COA6: variants seen among roughly 807,000 people sequenced by gnomAD.
The protein encoded by COA6 is cytochrome c oxidase assembly factor 6.
COA6 carries 12 observed loss-of-function variants against 17.1 expected under a neutral mutation model. The ratio of observed to expected loss-of-function variants is 0.70; its 90% CI spans 0.45 to 1.14. COA6 has a LOEUF of 1.14. Ranked by LOEUF, COA6 falls within the 50% of genes most tolerant of loss-of-function variation. The pLI is 0.00. For missense variants in COA6, 246 were observed against 196.5 expected, an observed-to-expected ratio of 1.25 and a Z score of -1.51; for synonymous variants, 90 against 73.4, an observed-to-expected ratio of 1.23 and a Z score of -1.16.
At chr1:234,381,731 G>A (rs1658977462) in intron 2 of COA6, among the ~76,000 whole-genome samples, 1 of 152,198 alleles carries the variant, frequency 6.6e-6, no homozygotes, top group African/African-American at 2.4e-5. Context: ...CTGTGGCAGT[G>A]AAGAAGGGAA....
intron 2 of COA6, 150 bp from the exon 3 acceptor site, chr1:234,383,573 G>GACACACACACACACACAC (rs60042887): frequency 2.3e-5 from 11 of 473,360 alleles, no homozygotes; most frequent in Middle Eastern, 6.0e-4. Flanking sequence ...AGTTACAGCT[G>GACACACACACACACACAC]ACACACACAC....
At chr1:234,373,804 A>C (rs751835183) in intron 1 of COA6, 126 bp downstream of exon 1, 2 of 1,613,500 alleles carry the variant, frequency 1.2e-6, no homozygotes, top group African/African-American at 2.7e-5. Flanking sequence ...CTGCTTGGTG[A>C]TTGTGGCCCC....
chr1:234,384,411 T>A lies in COA6; in HGVS notation c.*593T>A, dbSNP rs1185296577. Reference sequence around the variant, plus strand: ...AGCTCTACTCACATATAATAAATACTATCTTATAGAATGTACCAATGGATG... The same window carrying A: ...AGCTCTACTCACATATAATAAATACAATCTTATAGAATGTACCAATGGATG... On this transcript the variant is annotated 3_prime_UTR_variant, in exon 3 of 3. Coordinates refer to ENST00000366615, the MANE Select transcript of COA6 (RefSeq NM_001206641.3). 6.6e-6 allele frequency among the ~76,000 whole-genome samples: 1 copy of A among 152,138 alleles called. No individual in the cohort carries two copies. Among genetic ancestry groups the A allele is most frequent in the Non-Finnish European group, 1.5e-5 (1 of 68,032 alleles).
intron 2 of COA6, among the ~76,000 whole-genome samples, chr1:234,374,597 G>A (rs1434624358): frequency 6.6e-6 from 1 of 152,184 alleles, no homozygotes; most frequent in Non-Finnish European, 1.5e-5. Context: ...ACATTAAAGA[G>A]CATCGAAAAA....
At chr1:234,376,606 C>G (rs1020718641) in intron 2 of COA6, among the ~76,000 whole-genome samples, 2 of 152,214 alleles carry the variant, frequency 1.3e-5, no homozygotes, top group Non-Finnish European at 2.9e-5. Context: ...ATACTTCTTC[C>G]TATGCCTACC....
rs1412484602 is a variant in COA6, at chr1:234,384,931, C to A, written c.*1113C>A. On this transcript the variant is annotated 3_prime_UTR_variant, in exon 3 of 3. Transcript: ENST00000366615. ...GAATATCACAATAGAGTGGGTTACA[C>A]AAATGTTTTGGTTTTCCAGTACACA... 6.6e-6 allele frequency among the ~76,000 whole-genome samples: 1 copy of A among 152,192 alleles called. No individual in the cohort carries two copies. Among genetic ancestry groups the A allele is most frequent in the Non-Finnish European group, 1.5e-5 (1 of 68,032 alleles).
intron 2 of COA6, among the ~76,000 whole-genome samples, chr1:234,383,390 G>C (rs978062498): frequency 2.7e-5 from 4 of 146,738 alleles, no homozygotes; most frequent in East Asian, 2.1e-4. Context: ...GTTGTGGGGT[G>C]GGGGGAGGGG....
intron 2 of COA6, among the ~76,000 whole-genome samples, chr1:234,374,833 A>G (rs965661181): frequency 6.6e-6 from 1 of 152,154 alleles, no homozygotes; most frequent in African/African-American, 2.4e-5. Context: ...CAGAAGAAAG[A>G]AAAGGTTCAT....
intron 2 of COA6, 55 bp downstream of exon 2, chr1:234,374,444 C>T: frequency 6.4e-7 from 1 of 1,572,122 alleles, no homozygotes; most frequent in Admixed American, 1.7e-5. Context: ...CGAGCTTATA[C>T]TGTGAGTGGT....
chr1:234,382,867 C>T (rs1267910709), intron 2 of COA6, among the ~76,000 whole-genome samples: 4 of 151,982 alleles, frequency 2.6e-5, no homozygotes, highest in African/African-American at 9.7e-5. Context: ...AGTAGCCGGG[C>T]ATGGTAGCAG....
At chr1:234,383,002 C>G (rs1430618205) in intron 2 of COA6, among the ~76,000 whole-genome samples, 2 of 101,682 alleles carry the variant, frequency 2.0e-5, no homozygotes, top group Non-Finnish European at 3.5e-5. Context: ...GCGAGACTCT[C>G]TGTCAAGAAA....
intron 2 of COA6, among the ~76,000 whole-genome samples, chr1:234,378,985 C>G (rs1265368622): frequency 6.6e-6 from 1 of 150,664 alleles, no homozygotes; most frequent in Non-Finnish European, 1.5e-5. Context: ...AGACGGGAGG[C>G]CAGGGAGGTA....
intron 1 of COA6, 130 bp from the exon 2 acceptor site, chr1:234,374,100 T>G: frequency 3.7e-6 from 4 of 1,095,140 alleles, no homozygotes; most frequent in Middle Eastern, 3.1e-4. Context: ...AGCATGGTTT[T>G]GTTTTGTTTT....
chr1:234,375,326 C>G (rs553538906), intron 2 of COA6, among the ~76,000 whole-genome samples: 2 of 152,088 alleles, frequency 1.3e-5, no homozygotes, highest in Non-Finnish European at 2.9e-5. Flanking sequence ...CCAGAGGAGG[C>G]AGCTGAAGCT....
intron 2 of COA6, among the ~76,000 whole-genome samples, chr1:234,374,858 CTCCCTGA>C: frequency 6.6e-6 from 1 of 152,306 alleles, no homozygotes; most frequent in East Asian, 1.9e-4. Flanking sequence ...TGGATTCTGT[CTCCCTGA>C]CAGGCATTCA....
At chr1:234,373,814 C>T in intron 1 of COA6, 136 bp downstream of exon 1, 2 of 1,613,648 alleles carry the variant, frequency 1.2e-6, no homozygotes, top group Admixed American at 1.7e-5. Context: ...ATTGTGGCCC[C>T]CACACACCTG....
intron 2 of COA6, among the ~76,000 whole-genome samples, chr1:234,383,015 A>AAGAGAG (rs3041202): frequency 1.6e-5 from 1 of 64,360 alleles, no homozygotes; most frequent in Admixed American, 2.0e-4. Flanking sequence ...TCAAGAAAGA[A>AAGAGAG]AGAGAGAGAG....
chr1:234,373,625 G>A lies in COA6; in HGVS notation c.159G>A (p.Val53=), dbSNP rs1658679219. ...RALHRRLVAC[V]TVSSRRHRKE... ...TCCACCGCCGGTTGGTGGCCTGCGT[G>A]ACAGTTTCCTCCCGTCGACATCGAA... Residue 53 remains valine, a synonymous_variant, in exon 1 of 3, where the codon GTG becomes GTA. Transcript: ENST00000366615. 6.2e-7 allele frequency: 1 copy of A among 1,613,140 alleles called. No individual in the cohort carries two copies. The highest frequency in any genetic ancestry group is 1.3e-5 in the African/African-American group (1 of 74,948).
At chr1:234,381,498 G>A (rs143220687) in intron 2 of COA6, among the ~76,000 whole-genome samples, 1,821 of 152,336 alleles carry the variant, frequency 0.012, 34 homozygotes, top group African/African-American at 0.042. Context: ...GGGGCGCAGG[G>A]ATGAAGCCAT....
Sources: allele counts gnomAD v4.1 joint callset (sites outside exome capture counted in the v4.1 genomes callset), GRCh38; gene constraint gnomAD v4.1.1; transcripts MANE v1.5; gene names NCBI Gene and HGNC (gene_info 2026-07-23, HGNC 2026-07-21).